RNF220: variants seen among roughly 807,000 people sequenced by gnomAD.
The protein encoded by RNF220 is E3 ubiquitin-protein ligase RNF220.
In RNF220, 7 loss-of-function variants were observed where a neutral mutation model predicts 67.1. The observed-to-expected ratio is 0.10, with a 90% CI of 0.06 to 0.20. The LOEUF (loss-of-function observed/expected upper bound fraction) is 0.20, where lower values mean the gene tolerates loss of function less well. Ranked by LOEUF, RNF220 falls within the 10% of genes least tolerant of loss-of-function variation. The probability of loss-of-function intolerance (pLI) is 1.00; values close to 1 mark genes in which losing one functional copy is unlikely to be tolerated. For missense variants in RNF220, 565 were observed against 740.3 expected (o/e 0.76, Z 2.75); for synonymous variants, 270 against 283.2 (o/e 0.95, Z 0.47).
chr1:44,645,575 C>A lies in RNF220; in HGVS notation c.1445+87C>A. On this transcript the variant is annotated intron_variant, in intron 12 of 14. Coordinates refer to ENST00000361799, the MANE Select transcript of RNF220 (RefSeq NM_018150.4). This position sits in a 1 kb window ranked among gnomAD's most constrained non-coding sequence, Gnocchi z 5.0. ...CTAGCAGGAAGGCCTGCTGCCAGGG[C>A]TTCTGGCCCTCCCAAGTGCAGCTCA... is the stretch of plus-strand genomic sequence containing the variant. 7.4e-7 allele frequency: 1 copy of A among 1,353,760 alleles called. No homozygotes were observed. The highest frequency in any genetic ancestry group is 1.0e-6 in the Non-Finnish European group (1 of 963,590). The allele number at this position is 1,353,760 out of a possible 1,614,324, so 83.9% of individuals were successfully genotyped here.
intron 2 of RNF220, among the ~76,000 whole-genome samples, chr1:44,454,415 G>T (rs1238827174): frequency 2.0e-5 from 3 of 152,058 alleles, no homozygotes; most frequent in Non-Finnish European, 4.4e-5. Context: ...TAAGAGTAAA[G>T]TCATGCTTAC....
intron 1 of RNF220, chr1:44,409,034 C>T (rs982840262): frequency 1.3e-5 from 2 of 152,268 alleles, no homozygotes; most frequent in African/African-American, 4.8e-5. Flanking sequence ...CGCTGCGCAT[C>T]AGCCCAGCCT....
At position 44,480,945 on chromosome 1, in the gene RNF220, G is replaced by A. The variant is rs115427289; in HGVS notation, c.625+68223G>A. Among the ~76,000 whole-genome samples the A allele has an allele frequency of 9.8e-3, 1,485 of 152,276 alleles. 34 individuals are homozygous for A. The highest frequency in any genetic ancestry group is 0.034 in the African/African-American group (1,425 of 41,546). ...GATGAGTTACGTCAAATGCTCCTGG[G>A]AGATCAAGGACAGAGATGTACATGT... On this transcript the variant is annotated intron_variant, in intron 2 of 14. Transcript: ENST00000361799.
chr1:44,437,675 A>G (rs560320059), intron 2 of RNF220, among the ~76,000 whole-genome samples: 40 of 152,310 alleles, frequency 2.6e-4, no homozygotes, highest in African/African-American at 9.4e-4. Context: ...TGGATTCTCT[A>G]AGGGTTAAGA....
chr1:44,435,137 A>C (rs1400748654), intron 2 of RNF220, among the ~76,000 whole-genome samples: 1 of 152,252 alleles, frequency 6.6e-6, no homozygotes, highest in Admixed American at 6.5e-5. Flanking sequence ...TAAATTTATA[A>C]AACGTGAAGT....
At chr1:44,419,671 A>G (rs41264677) in intron 2 of RNF220, 5,199 of 152,314 alleles carry the variant, frequency 0.034, 151 homozygotes, top group Non-Finnish European at 0.051. Flanking sequence ...ACAGAACAGC[A>G]TCTGTAAGAC....
At chr1:44,559,718 G>C (rs1279353759) in intron 2 of RNF220, among the ~76,000 whole-genome samples, 1 of 152,222 alleles carries the variant, frequency 6.6e-6, no homozygotes, top group African/African-American at 2.4e-5. Context: ...CGCAGTGTGC[G>C]AGGGAGCTTT....
chr1:44,637,731 C>G (rs781484502), intron 8 of RNF220, among the ~76,000 whole-genome samples: 21 of 152,160 alleles, frequency 1.4e-4, no homozygotes, highest in Non-Finnish European at 2.1e-4. Flanking sequence ...GGCGGGTATC[C>G]GTTTTCCCTG....
intron 2 of RNF220, among the ~76,000 whole-genome samples, chr1:44,433,015 C>G (rs1157405105): frequency 6.6e-6 from 1 of 151,818 alleles, no homozygotes; most frequent in African/African-American, 2.4e-5. Flanking sequence ...CTACAACCTC[C>G]GCCTTCTGGG....
intron 2 of RNF220, among the ~76,000 whole-genome samples, chr1:44,552,861 G>A (rs1023012624): frequency 1.6e-4 from 25 of 152,060 alleles, no homozygotes; most frequent in Non-Finnish European, 3.1e-4. Context: ...GAGCCACTGC[G>A]CCCGGCCTCT....
rs555147210 is a variant in RNF220 at position 44,608,190 on chromosome 1, G to C, written c.626-5975G>C. On this transcript the variant is annotated intron_variant, in intron 2 of 14. Coordinates refer to ENST00000361799, the MANE Select transcript of RNF220 (RefSeq NM_018150.4). The stretch of plus-strand genomic sequence containing the variant: ...TCCTCCCACCTCGGCCTCTCGAAGT[G>C]CTAGGATTACAGGTTTGAGCCACCA... Among the ~76,000 whole-genome samples the C allele has an allele frequency of 1.1e-4, 16 of 152,250 alleles. No individual in the cohort carries two copies. In the South Asian group the frequency reaches 2.9e-3, roughly 28 times the overall value.
chr1:44,575,274 T>C (rs1174722525), intron 2 of RNF220, among the ~76,000 whole-genome samples: 3 of 152,240 alleles, frequency 2.0e-5, no homozygotes, highest in Non-Finnish European at 4.4e-5. Context: ...ACATGCAGTA[T>C]TGGTCTTTCT....
chr1:44,510,267 GA>G (rs1658877193), intron 2 of RNF220, among the ~76,000 whole-genome samples: 6 of 149,802 alleles, frequency 4.0e-5, no homozygotes, highest in Admixed American at 3.3e-4. Flanking sequence ...AGAGAGAGAG[GA>G]GGGAGGGAGG....
intron 2 of RNF220, among the ~76,000 whole-genome samples, chr1:44,468,916 C>CAAA (rs5773833): frequency 8.2e-5 from 12 of 147,028 alleles, no homozygotes; most frequent in Non-Finnish European, 1.4e-4. Context: ...GACTCTGTCT[C>CAAA]AAAAAAAAAA....
intron 1 of RNF220, among the ~76,000 whole-genome samples, chr1:44,407,631 A>G (rs1369695771): frequency 6.6e-6 from 1 of 151,984 alleles, no homozygotes; most frequent in Non-Finnish European, 1.5e-5. Flanking sequence ...GAGCGGGGAC[A>G]CACACCTGTT....
At chr1:44,579,672 C>G (rs563166253) in intron 2 of RNF220, among the ~76,000 whole-genome samples, 8 of 152,316 alleles carry the variant, frequency 5.3e-5, no homozygotes, top group African/African-American at 1.4e-4. Flanking sequence ...TCTCCTCATA[C>G]TGTGACTTCT....
At chr1:44,528,144 A>G (rs1660544224) in intron 2 of RNF220, among the ~76,000 whole-genome samples, 1 of 152,104 alleles carries the variant, frequency 6.6e-6, no homozygotes, top group Non-Finnish European at 1.5e-5. Flanking sequence ...GATGTCCGTA[A>G]TATGTAAAGA....
At chr1:44,579,275 G>C (rs1384692170) in intron 2 of RNF220, among the ~76,000 whole-genome samples, 1 of 152,166 alleles carries the variant, frequency 6.6e-6, no homozygotes, top group South Asian at 2.1e-4. Flanking sequence ...TAAGTAACTT[G>C]ACCAAGACCA....
intron 2 of RNF220, among the ~76,000 whole-genome samples, chr1:44,537,267 G>T (rs1425189483): frequency 6.6e-6 from 1 of 151,996 alleles, no homozygotes; most frequent in African/African-American, 2.4e-5. Flanking sequence ...AGGTCTTTCT[G>T]CCCCTGTTTG....
Sources: allele counts gnomAD v4.1 joint callset (sites outside exome capture counted in the v4.1 genomes callset), GRCh38; gene constraint gnomAD v4.1.1; non-coding constraint Gnocchi (gnomAD v3.1); transcripts MANE v1.5; gene names NCBI Gene and HGNC (gene_info 2026-07-23, HGNC 2026-07-21).